CACNA1C: variants seen among roughly 807,000 people sequenced by gnomAD.
The protein encoded by CACNA1C is voltage-dependent L-type calcium channel subunit alpha-1C.
CACNA1C carries 30 observed loss-of-function variants against 229.0 expected under a neutral mutation model. The ratio of observed to expected loss-of-function variants is 0.13; its 90% confidence interval spans 0.10 to 0.18. CACNA1C has a LOEUF of 0.18. Among genes scored for constraint, CACNA1C ranks in the 10% least tolerant of loss-of-function variants. The probability of loss-of-function intolerance (pLI) is 1.00; values close to 1 mark genes in which losing one functional copy is unlikely to be tolerated. For missense variants in CACNA1C, 1,658 were observed against 2,845.0 expected (o/e 0.58, Z 9.49); for synonymous variants, 1,114 against 1,132.5 (o/e 0.98, Z 0.33).
intron 1 of CACNA1C, among the ~76,000 whole-genome samples, chr12:2,077,640 G>A (rs1003514233): frequency 1.3e-5 from 2 of 152,200 alleles, no homozygotes; most frequent in East Asian, 1.9e-4. Context: ...TTTGGAGCTG[G>A]ATATAGGGTT....
In CACNA1C at chr12:2,521,348, T is replaced by C. The variant is rs939364791; in HGVS notation, c.1390+8364T>C. On this transcript the variant is annotated intron_variant, in intron 9 of 46. Coordinates refer to ENST00000399655, the MANE Select transcript of CACNA1C (RefSeq NM_000719.7). ...AGCCACCGGGACCTCTCCTGCAGTT[T>C]AAAGTGGATGTGGATAGAGAGCAGC... Among the ~76,000 whole-genome samples, 8 of 152,208 alleles carry C rather than the reference T, an allele frequency of 5.3e-5. No individual in the cohort carries two copies. In the South Asian group the frequency reaches 1.5e-3, roughly 28 times the overall value.
chr12:2,350,838 C>T (rs892878002), intron 3 of CACNA1C, among the ~76,000 whole-genome samples: 1 of 152,234 alleles, frequency 6.6e-6, no homozygotes, highest in Non-Finnish European at 1.5e-5. Context: ...CTGGAGGTCA[C>T]CCTGTTTATT....
Position 2,677,663 on chromosome 12 carries a change from A to G in CACNA1C, c.4957-70A>G. ...CCCTGGAGGGACAGGTCTTGGCCCG[A>G]GGCTGTGGCTGGCTGGGGAGCTTGG... On this transcript the variant is annotated intron_variant, in intron 40 of 46. Transcript: ENST00000399655. This position sits in a 1 kb window ranked among gnomAD's most constrained non-coding sequence, Gnocchi z 7.4. 2 of 1,550,986 alleles carry G rather than the reference A, an allele frequency of 1.3e-6. No individual in the cohort carries two copies. Among genetic ancestry groups the G allele is most frequent in the Non-Finnish European group, 1.7e-6 (2 of 1,142,856 alleles).
At position 2,597,195 on chromosome 12, in the gene CACNA1C, A is replaced by T; in HGVS notation, c.2794-35A>T. The stretch of plus-strand genomic sequence containing the variant: ...CCCGTCCTGCTTTTCTCCCTTCCCC[A>T]TCCCATCCCCACCCTGTTCCTTTTT... On this transcript the variant is annotated intron_variant, in intron 20 of 46. Coordinates refer to ENST00000399655, the MANE Select transcript of CACNA1C (RefSeq NM_000719.7). This position sits in a 1 kb window ranked among gnomAD's most constrained non-coding sequence, Gnocchi z 4.3. 7.4e-7 allele frequency: 1 copy of T among 1,346,662 alleles called. No homozygotes were observed. Among genetic ancestry groups the T allele is most frequent in the Non-Finnish European group, 1.1e-6 (1 of 939,984 alleles). The allele number at this position is 1,346,662 out of a possible 1,614,324, so 83.4% of individuals were successfully genotyped here. A position where few individuals can be genotyped will look rare whatever the true frequency, so the allele number is the denominator to read the frequency against.
intron 3 of CACNA1C, among the ~76,000 whole-genome samples, chr12:2,265,748 C>T (rs966666719): frequency 6.6e-6 from 1 of 152,214 alleles, no homozygotes; most frequent in Non-Finnish European, 1.5e-5. Context: ...GTGTGCTCCA[C>T]CCCTTCCTTT....
intron 9 of CACNA1C, among the ~76,000 whole-genome samples, chr12:2,520,903 A>C (rs997648784): frequency 2.6e-5 from 4 of 152,266 alleles, no homozygotes; most frequent in African/African-American, 7.2e-5. Flanking sequence ...GGTGACAGCC[A>C]CATAACATTT....
At chr12:2,371,522 G>A (rs1297315072) in intron 3 of CACNA1C, among the ~76,000 whole-genome samples, 1 of 152,146 alleles carries the variant, frequency 6.6e-6, no homozygotes, top group South Asian at 2.1e-4. Context: ...GGTCTCAGGT[G>A]AGGACCTGAG....
intron 3 of CACNA1C, among the ~76,000 whole-genome samples, chr12:2,191,552 T>TCACTCACATG (rs1444568147): frequency 6.6e-6 from 1 of 151,944 alleles, no homozygotes; most frequent in African/African-American, 2.4e-5. Flanking sequence ...ATGGACACAT[T>TCACTCACATG]CACTCACATG....
chr12:2,574,825 G>A (rs1182422125), intron 13 of CACNA1C, among the ~76,000 whole-genome samples: 2 of 152,234 alleles, frequency 1.3e-5, no homozygotes, highest in East Asian at 3.8e-4. Flanking sequence ...TCCCTGGCAG[G>A]GGTCTGTGGC....
chr12:2,290,649 T>A (rs2093390297), intron 3 of CACNA1C, among the ~76,000 whole-genome samples: 1 of 152,176 alleles, frequency 6.6e-6, no homozygotes, highest in African/African-American at 2.4e-5. Flanking sequence ...GAGGAGCTTG[T>A]ACCTGGCTTT....
intron 3 of CACNA1C, among the ~76,000 whole-genome samples, chr12:2,232,185 C>G (rs1485635351): frequency 6.7e-6 from 1 of 149,246 alleles, no homozygotes; most frequent in Non-Finnish European, 1.5e-5. Context: ...CATCGTGTCT[C>G]CTTTGTCTCA....
In CACNA1C at chr12:2,584,358, T is replaced by C. The variant is rs2061639497; in HGVS notation, c.2225-145T>C. 4.9e-6 allele frequency: 3 copies of C among 618,132 alleles called. No homozygotes were observed. The Admixed American group carries it at 6.7e-5, about 14-fold the overall frequency. The allele number at this position is 618,132 out of a possible 1,614,324, so 38.3% of individuals were successfully genotyped here. On this transcript the variant is annotated intron_variant, in intron 15 of 46. Transcript: ENST00000399655. ...GAGGAAGGGGAGGGGAGGAACACTG[T>C]TGGGGTCTGACTCCCTCAAATTGCT...
At chr12:2,435,483 T>C (rs1306448656) in intron 3 of CACNA1C, among the ~76,000 whole-genome samples, 1 of 152,198 alleles carries the variant, frequency 6.6e-6, no homozygotes, top group East Asian at 1.9e-4. Context: ...GCCGTCCGTG[T>C]TGAGGATACT....
intron 34 of CACNA1C, among the ~76,000 whole-genome samples, chr12:2,662,058 C>A (rs2095780687): frequency 6.6e-6 from 1 of 151,920 alleles, no homozygotes; most frequent in African/African-American, 2.4e-5. Flanking sequence ...CTGGCTAACA[C>A]CGTGAAACCC....
chr12:1,978,741 T>G (rs777690089), intron 1 of CACNA1C, among the ~76,000 whole-genome samples: 4 of 152,230 alleles, frequency 2.6e-5, no homozygotes, highest in Non-Finnish European at 5.9e-5. Flanking sequence ...TAGATTAGTT[T>G]TGCCTGTTCT....
chr12:2,495,843 TAC>T (rs2099745750), intron 7 of CACNA1C, among the ~76,000 whole-genome samples: 1 of 152,192 alleles, frequency 6.6e-6, no homozygotes, highest in African/African-American at 2.4e-5. Flanking sequence ...CACGTGCACA[TAC>T]ACACACCTAA....
intron 1 of CACNA1C, among the ~76,000 whole-genome samples, chr12:2,085,207 C>T (rs1216570046): frequency 6.6e-6 from 1 of 152,102 alleles, no homozygotes; most frequent in African/African-American, 2.4e-5. Context: ...AACTGCAGAC[C>T]CTCCTGAGTG....
At position 2,605,330 on chromosome 12, in the gene CACNA1C, A is replaced by G. The variant is rs774354758; in HGVS notation, c.3048+162A>G. ...ACTGCATGTCCCGGTTCCGTAATGA[A>G]CAGAATAGTAACAGAGGCAGCCATC... On this transcript the variant is annotated intron_variant, in intron 23 of 46. Coordinates refer to ENST00000399655, the MANE Select transcript of CACNA1C (RefSeq NM_000719.7). This position sits in a 1 kb window ranked among gnomAD's most constrained non-coding sequence, Gnocchi z 6.2. Among the ~76,000 whole-genome samples, 39 of 152,162 alleles carry G rather than the reference A, an allele frequency of 2.6e-4. 1 individual carries two copies. The highest frequency in any genetic ancestry group is 4.6e-4 in the Non-Finnish European group (31 of 68,038).
At chr12:2,582,738 G>T in intron 14 of CACNA1C, 84 bp from the exon 15 acceptor site, 1 of 1,476,180 alleles carries the variant, frequency 6.8e-7, no homozygotes, top group Non-Finnish European at 9.3e-7. Flanking sequence ...CAATTTTGTT[G>T]ACGTAGTGGG....
Sources: gnomAD v4.1 joint callset for allele counts (sites outside exome capture counted in the v4.1 genomes callset) on GRCh38, gnomAD v4.1.1 for gene constraint, Gnocchi (gnomAD v3.1) non-coding constraint, MANE v1.5 for transcripts, NCBI Gene and HGNC (gene_info 2026-07-23, HGNC 2026-07-21) for gene names.